Variants in MON2 observed in about 807,000 individuals in gnomAD.
MON2 encodes the protein protein MON2 homolog.
In MON2, 84 loss-of-function variants were observed where a neutral mutation model predicts 208.6. The ratio of observed to expected loss-of-function variants is 0.40; its 90% CI spans 0.34 to 0.48. MON2 has a LOEUF of 0.48. Among genes scored for constraint, MON2 ranks in the 20% least tolerant of loss-of-function variants. The pLI is 0.59. For missense variants in MON2, 1,611 were observed against 2,015.4 expected (o/e 0.80, Z 3.84); for synonymous variants, 660 against 694.0 (o/e 0.95, Z 0.77).
chr12:62,585,025 G>A (rs1466868713), intron 32 of MON2, among the ~76,000 whole-genome samples: 7 of 137,296 alleles, frequency 5.1e-5, no homozygotes, highest in Non-Finnish European at 1.1e-4. Context: ...ATCTTGCCTT[G>A]TTTTTGATCT....
At chr12:62,564,277 T>C (rs1313346788) in intron 26 of MON2, among the ~76,000 whole-genome samples, 1 of 152,112 alleles carries the variant, frequency 6.6e-6, no homozygotes, top group Non-Finnish European at 1.5e-5. Flanking sequence ...ATTTTGTACA[T>C]ACTGTTTTTA....
chr12:62,500,973 A>T (rs996854136), intron 6 of MON2, 93 bp downstream of exon 6: 2 of 705,222 alleles, frequency 2.8e-6, no homozygotes, highest in Admixed American at 6.7e-5. Context: ...TTTTAATGTG[A>T]ATTTTTTTGA....
chr12:62,535,601 G>A lies in MON2; in HGVS notation c.1792G>A (p.Val598Ile), dbSNP rs371674915. 6.2e-7 allele frequency: 1 copy of A among 1,613,766 alleles called. No individual in the cohort carries two copies. The highest frequency in any genetic ancestry group is 8.5e-7 in the Non-Finnish European group (1 of 1,179,816). ...MAALCGRLGL[V>I]TSRDAFITAI... Reference sequence around the variant, plus strand: ...TGCTCTTTGTGGAAGACTGGGCCTTGTAACTTCAAGAGATGCCTTTATAAC... The same window carrying A: ...TGCTCTTTGTGGAAGACTGGGCCTTATAACTTCAAGAGATGCCTTTATAAC... The change falls in exon 14 of 35, where the codon GTA becomes ATA. Residue 598 changes from valine to isoleucine, a missense_variant. Transcript: ENST00000393630.
At position 62,500,899 on chromosome 12, in the gene MON2, G is replaced by T; in HGVS notation, c.663+19G>T. On this transcript the variant is annotated intron_variant, in intron 6 of 34. Transcript: ENST00000393630. ...TTTCCAGGTATTTTAGTTGATAAAA[G>T]TAATTTTTATTCTAAAATATAGTTT... The T allele has an allele frequency of 1.5e-6, 2 of 1,372,696 alleles. No homozygotes were observed. The highest frequency in any genetic ancestry group is 2.0e-6 in the Non-Finnish European group (2 of 999,338). The allele number at this position is 1,372,696 out of a possible 1,614,324, so 85.0% of individuals were successfully genotyped here.
intron 30 of MON2, among the ~76,000 whole-genome samples, chr12:62,578,106 A>C (rs1188199280): frequency 6.6e-6 from 1 of 152,212 alleles, no homozygotes. Context: ...AAGTGAATTC[A>C]GGTAACACCA....
intron 20 of MON2, among the ~76,000 whole-genome samples, chr12:62,543,432 A>G (rs1341427027): frequency 1.3e-5 from 2 of 152,158 alleles, no homozygotes; most frequent in African/African-American, 4.8e-5. Flanking sequence ...AAAGTGAGAA[A>G]TATCAGTGAA....
At chr12:62,495,572 C>A (rs2070426688) in intron 4 of MON2, among the ~76,000 whole-genome samples, 1 of 151,316 alleles carries the variant, frequency 6.6e-6, no homozygotes, top group Admixed American at 6.6e-5. Context: ...CGCCTGTAGT[C>A]CCGGCTACTC....
At chr12:62,485,485 G>A (rs142365556) in intron 2 of MON2, among the ~76,000 whole-genome samples, 1 of 152,326 alleles carries the variant, frequency 6.6e-6, no homozygotes, top group East Asian at 1.9e-4. Context: ...CTGGAAATTT[G>A]CCCTTAGCAT....
At position 62,588,746 on chromosome 12, in the gene MON2, C is replaced by A. The variant is rs1291579935; in HGVS notation, c.4990+590C>A. On this transcript the variant is annotated intron_variant, in intron 34 of 34. Coordinates refer to ENST00000393630, the MANE Select transcript of MON2 (RefSeq NM_015026.3). ...AAGAATACTCCAGTCTGACTCCATT[C>A]TAGTCACACTTTATTTCCCACAATA... 5.2e-6 allele frequency: 3 copies of A among 576,776 alleles called. No homozygotes were observed. The East Asian group carries it at 9.6e-5, about 19-fold the overall frequency. 35.7% of individuals were successfully genotyped at this position (576,776 alleles called of 1,614,324 possible).
chr12:62,474,881 C>T (rs1177721914), intron 1 of MON2, among the ~76,000 whole-genome samples: 1 of 152,102 alleles, frequency 6.6e-6, no homozygotes, highest in East Asian at 1.9e-4. Flanking sequence ...TCACCTGTTC[C>T]TTCCAGCTCT....
At chr12:62,544,748 G>A (rs1294754258) in intron 20 of MON2, 150 bp from the exon 21 acceptor site, 3 of 1,528,238 alleles carry the variant, frequency 2.0e-6, no homozygotes, top group South Asian at 1.2e-5. Flanking sequence ...TCTATTGCTT[G>A]CTCTTGCCCT....
chr12:62,542,262 C>A (rs1033512811), intron 19 of MON2, among the ~76,000 whole-genome samples: 2 of 152,150 alleles, frequency 1.3e-5, no homozygotes, highest in African/African-American at 4.8e-5. Context: ...ACACATTTCC[C>A]TGTTAGATTT....
At chr12:62,515,818 G>GA (rs957082234) in intron 8 of MON2, among the ~76,000 whole-genome samples, 69 of 142,880 alleles carry the variant, frequency 4.8e-4, no homozygotes, top group Middle Eastern at 3.6e-3. Context: ...TCCGTCTCAG[G>GA]AAAAAAAAAA....
At chr12:62,548,225 A>G (rs535952575) in intron 22 of MON2, among the ~76,000 whole-genome samples, 1 of 152,352 alleles carries the variant, frequency 6.6e-6, no homozygotes, top group Admixed American at 6.5e-5. Context: ...AGTGCTCACT[A>G]GAAATAAGAG....
chr12:62,525,328 C>T, intron 10 of MON2, 108 bp downstream of exon 10: 1 of 1,153,124 alleles, frequency 8.7e-7, no homozygotes, highest in Non-Finnish European at 1.2e-6. Context: ...TTTGGGTTAC[C>T]TAAACATGTT....
intron 7 of MON2, among the ~76,000 whole-genome samples, chr12:62,505,988 G>A (rs2071082225): frequency 6.6e-6 from 1 of 152,144 alleles, no homozygotes; most frequent in African/African-American, 2.4e-5. Flanking sequence ...ATCATGATGA[G>A]TATAATGAGA....
intron 1 of MON2, chr12:62,482,293 G>A (rs1044864052): frequency 6.6e-6 from 1 of 152,172 alleles, no homozygotes; most frequent in Non-Finnish European, 1.5e-5. Flanking sequence ...CACAAGCAAG[G>A]GCTTGACATG....
intron 7 of MON2, among the ~76,000 whole-genome samples, chr12:62,503,410 T>C (rs764510423): frequency 6.6e-6 from 1 of 152,256 alleles, no homozygotes; most frequent in Non-Finnish European, 1.5e-5. Flanking sequence ...TAGTCTAAGC[T>C]ACCATCACCT....
rs141363243 is a variant in MON2, at chr12:62,511,451, TA to T, written c.984+2974del. 1.1e-3 allele frequency among the ~76,000 whole-genome samples: 173 copies of T among 152,206 alleles called. No individual in the cohort carries two copies. In the Middle Eastern group the frequency reaches 0.014, roughly 12 times the overall value. On this transcript the variant is annotated intron_variant, in intron 8 of 34. Coordinates refer to ENST00000393630, the MANE Select transcript of MON2 (RefSeq NM_015026.3). ...TGGAACAGAATGGAGAGCCCAAAAA[TA>T]AACTCTCATATATATGGTCAAGTGA... is the stretch of plus-strand genomic sequence containing the variant.
Sources: allele counts gnomAD v4.1 joint callset (sites outside exome capture counted in the v4.1 genomes callset), GRCh38; gene constraint gnomAD v4.1.1; transcripts MANE v1.5; gene names NCBI Gene and HGNC (gene_info 2026-07-23, HGNC 2026-07-21).